The following WAC variants were observed in gnomAD, a reference collection of about 807,000 sequenced individuals.
The protein encoded by WAC is WW domain containing adaptor with coiled-coil.
A neutral mutation model predicts 79.6 loss-of-function variants in WAC; 11 were observed. The observed-to-expected ratio is 0.14, with a 90% CI of 0.09 to 0.23. The LOEUF (loss-of-function observed/expected upper bound fraction) is 0.23. Ranked by LOEUF, WAC falls within the 10% of genes least tolerant of loss-of-function variation. The probability of loss-of-function intolerance (pLI) is 1.00; values close to 1 mark genes in which losing one functional copy is unlikely to be tolerated. For missense variants in WAC, 728 were observed against 773.5 expected, an observed-to-expected ratio of 0.94 and a Z score of 0.70; for synonymous variants, 304 against 276.9, an observed-to-expected ratio of 1.10 and a Z score of -0.97.
At chr10:28,533,681 C>T (rs1469811046) in intron 1 of WAC, 61 bp downstream of exon 1, 22 of 1,496,874 alleles carry the variant, frequency 1.5e-5, no homozygotes, top group East Asian at 1.0e-4. Context: ...GGGGGCTGTT[C>T]CTCCTTATCT....
In WAC at chr10:28,563,096, G is replaced by A. The variant is rs574484512; in HGVS notation, c.275-20303G>A. Among the ~76,000 whole-genome samples the A allele has an allele frequency of 3.5e-4, 53 of 152,166 alleles. 2 individuals carry two copies. The South Asian group carries it at 7.1e-3, about 20-fold the overall frequency. On this transcript the variant is annotated intron_variant, in intron 3 of 13. Coordinates refer to ENST00000354911, the MANE Select transcript of WAC (RefSeq NM_016628.5). The stretch of plus-strand genomic sequence containing the variant: ...TCAATTTTATTTTTTGTAGAGATAG[G>A]GTTTCACCATGTTGGCCAGGGTGGT...
At position 28,583,650 on chromosome 10, in the gene WAC, A is replaced by G. The variant is rs976678454; in HGVS notation, c.381+145A>G. ...ATCACAGTCTTAATGTGTTTATTTG[A>G]TATTATTATTATCCTATTTTAAACC... On this transcript the variant is annotated intron_variant, in intron 4 of 13. Coordinates refer to ENST00000354911, the MANE Select transcript of WAC (RefSeq NM_016628.5). 5 of 535,766 alleles carry G rather than the reference A, an allele frequency of 9.3e-6. No homozygotes were observed. In the South Asian group the frequency reaches 1.1e-4, roughly 12 times the overall value. The allele number at this position is 535,766 out of a possible 1,614,324, so 33.2% of individuals were successfully genotyped here.
chr10:28,537,783 A>AT (rs1192586720), intron 3 of WAC: 2 of 151,964 alleles, frequency 1.3e-5, no homozygotes, highest in South Asian at 2.1e-4. Flanking sequence ...CTTCACTTTG[A>AT]TTTTTTCATT....
intron 4 of WAC, among the ~76,000 whole-genome samples, chr10:28,584,025 A>G (rs1839676558): frequency 6.6e-6 from 1 of 152,216 alleles, no homozygotes; most frequent in Non-Finnish European, 1.5e-5. Context: ...ATTTTAAGTC[A>G]TAGGTTTAAA....
intron 3 of WAC, among the ~76,000 whole-genome samples, chr10:28,550,368 C>CT (rs1202500068): frequency 1.6e-3 from 224 of 144,298 alleles, no homozygotes; most frequent in African/African-American, 3.6e-3. Flanking sequence ...CCTACCTCAC[C>CT]TTTTTTTTTT....
intron 3 of WAC, among the ~76,000 whole-genome samples, chr10:28,578,776 G>A (rs922821662): frequency 6.6e-6 from 1 of 152,082 alleles, no homozygotes; most frequent in Admixed American, 6.5e-5. Context: ...TGAAGTTTCA[G>A]AAGATGCCAA....
intron 6 of WAC, among the ~76,000 whole-genome samples, chr10:28,594,637 C>T (rs1840261835): frequency 6.6e-6 from 1 of 152,112 alleles, no homozygotes; most frequent in Non-Finnish European, 1.5e-5. Flanking sequence ...AGCTTTGAAA[C>T]TGACTTCTAG....
At chr10:28,538,063 T>G (rs11597279) in intron 3 of WAC, among the ~76,000 whole-genome samples, 34,266 of 152,150 alleles carry the variant, frequency 0.23, 4,686 homozygotes, top group Non-Finnish European at 0.28. Flanking sequence ...AATAATAATA[T>G]GAGGTATATC....
chr10:28,604,195 C>G (rs1052753093), intron 7 of WAC, among the ~76,000 whole-genome samples: 2 of 149,758 alleles, frequency 1.3e-5, no homozygotes, highest in Admixed American at 6.6e-5. Context: ...TTGACTGTTA[C>G]GTCGATGGAA....
chr10:28,588,979 G>A (rs1839960925), intron 4 of WAC: 1 of 152,150 alleles, frequency 6.6e-6, no homozygotes, highest in Admixed American at 6.5e-5. Flanking sequence ...ATTTCCTGGG[G>A]GCAATTAGAT....
At chr10:28,555,244 A>G (rs531636465) in intron 3 of WAC, among the ~76,000 whole-genome samples, 9 of 152,024 alleles carry the variant, frequency 5.9e-5, no homozygotes, top group Non-Finnish European at 1.0e-4. Flanking sequence ...CAAGTGGCTC[A>G]TGAGGCCCTA....
chr10:28,617,151 G>A (rs1841507665), intron 12 of WAC, among the ~76,000 whole-genome samples: 1 of 152,162 alleles, frequency 6.6e-6, no homozygotes, highest in Non-Finnish European at 1.5e-5. Flanking sequence ...TGGAAGTTAG[G>A]AAACATTTTT....
intron 7 of WAC, among the ~76,000 whole-genome samples, chr10:28,599,914 T>G (rs2132734168): frequency 6.6e-6 from 1 of 152,240 alleles, no homozygotes; most frequent in Middle Eastern, 3.4e-3. Flanking sequence ...AGAGAAAGTC[T>G]GATACACCAA....
chr10:28,565,802 G>A (rs1288865173), intron 3 of WAC, among the ~76,000 whole-genome samples: 1 of 152,122 alleles, frequency 6.6e-6, no homozygotes, highest in Non-Finnish European at 1.5e-5. Context: ...ATTTTGGTCA[G>A]TACATACTGT....
intron 3 of WAC, among the ~76,000 whole-genome samples, chr10:28,539,546 G>A (rs1836885790): frequency 6.9e-6 from 1 of 145,348 alleles, no homozygotes; most frequent in South Asian, 2.3e-4. Context: ...AAACCTTAAG[G>A]TACAATCGTT....
At chr10:28,609,499 G>C (rs1245506106) in intron 8 of WAC, among the ~76,000 whole-genome samples, 1 of 151,926 alleles carries the variant, frequency 6.6e-6, no homozygotes, top group Non-Finnish European at 1.5e-5. Context: ...TGTTCTTACT[G>C]TCCTTAATTT....
intron 3 of WAC, among the ~76,000 whole-genome samples, chr10:28,559,238 G>C (rs953698427): frequency 1.3e-5 from 2 of 151,648 alleles, no homozygotes; most frequent in African/African-American, 2.4e-5. Context: ...AATAAAGCTA[G>C]GTAAAGGAGG....
chr10:28,565,543 T>G (rs1838554761), intron 3 of WAC, among the ~76,000 whole-genome samples: 1 of 152,192 alleles, frequency 6.6e-6, no homozygotes, highest in Admixed American at 6.5e-5. Flanking sequence ...CAGCTCTGCT[T>G]AATGTTCTAG....
chr10:28,572,534 G>T (rs911904896), intron 3 of WAC, among the ~76,000 whole-genome samples: 1 of 152,116 alleles, frequency 6.6e-6, no homozygotes, highest in African/African-American at 2.4e-5. Flanking sequence ...ACTCTTGGCT[G>T]GGTGTGGTGG....
Sources: gnomAD v4.1 joint callset for allele counts (sites outside exome capture counted in the v4.1 genomes callset) on GRCh38, gnomAD v4.1.1 for gene constraint, MANE v1.5 for transcripts, NCBI Gene and HGNC (gene_info 2026-07-23, HGNC 2026-07-21) for gene names.